Variants in ZSCAN25 observed in about 807,000 individuals in gnomAD.
ZSCAN25 encodes the protein zinc finger and SCAN domain-containing protein 25.
ZSCAN25 carries 27 observed loss-of-function variants against 38.7 expected under a neutral mutation model. The observed-to-expected ratio is 0.70, with a 90% CI of 0.51 to 0.96. ZSCAN25 has a LOEUF of 0.96. Ranked by LOEUF, ZSCAN25 falls within the 40% of genes least tolerant of loss-of-function variation. The probability of loss-of-function intolerance (pLI) is 0.00; values close to 1 mark genes in which losing one functional copy is unlikely to be tolerated. For missense variants in ZSCAN25, 637 were observed against 705.9 expected (o/e 0.90, Z 1.11); for synonymous variants, 273 against 277.7 (o/e 0.98, Z 0.17).
chr7:99,665,097 G>A, the ZSCAN25 span: 9 of 1,286,060 alleles, frequency 7.0e-6, no homozygotes, highest in African/African-American at 1.5e-5. Flanking sequence ...TGAATTATAC[G>A]ATATGTGAAT....
chr7:99,654,941 T>G, the ZSCAN25 span, among the ~76,000 whole-genome samples: 1 of 152,236 alleles, frequency 6.6e-6, no homozygotes, highest in Non-Finnish European at 1.5e-5. Flanking sequence ...TTTTTTCTTG[T>G]AAATTTGTTT....
chr7:99,727,748 A>G, the ZSCAN25 span, among the ~76,000 whole-genome samples: 1 of 152,056 alleles, frequency 6.6e-6, no homozygotes, highest in East Asian at 1.9e-4. Flanking sequence ...AGCAAGCCAA[A>G]CTCATTGCCT....
chr7:99,626,417 T>C (rs1423013294), intron 7 of ZSCAN25, among the ~76,000 whole-genome samples: 2 of 152,114 alleles, frequency 1.3e-5, no homozygotes, highest in African/African-American at 4.8e-5. Context: ...GACGGCAGGG[T>C]ACGGCCAGTC....
At chr7:99,731,288 T>C in the ZSCAN25 span, 19 of 949,490 alleles carry the variant, frequency 2.0e-5, no homozygotes, top group Non-Finnish European at 3.0e-5. Context: ...ACAGTAACTC[T>C]GACGGCAATG....
the ZSCAN25 span, among the ~76,000 whole-genome samples, chr7:99,708,406 TTCTCC>T: frequency 9.1e-4 from 138 of 152,232 alleles, no homozygotes; most frequent in Non-Finnish European, 1.5e-3. Flanking sequence ...TGCACTTTCC[TTCTCC>T]TCTCGTCTCT....
At chr7:99,662,891 A>G in the ZSCAN25 span, 2 of 1,613,622 alleles carry the variant, frequency 1.2e-6, no homozygotes, top group South Asian at 2.2e-5. The surrounding 1 kb of genome is among the most constrained non-coding windows in gnomAD (Gnocchi z 4.3). Flanking sequence ...TGCTAGAAGC[A>G]AAAGGAGAGA....
chr7:99,709,157 G>A, the ZSCAN25 span: 1 of 1,613,864 alleles, frequency 6.2e-7, no homozygotes, highest in African/African-American at 1.3e-5. Flanking sequence ...CATCTTTTTT[G>A]CAGACCCTCT....
the ZSCAN25 span, chr7:99,717,368 G>T: frequency 6.3e-7 from 1 of 1,599,872 alleles, no homozygotes; most frequent in Non-Finnish European, 8.6e-7. Context: ...ATTGTATAAT[G>T]AATTTTATGA....
chr7:99,660,142 G>A, the ZSCAN25 span: 18 of 820,150 alleles, frequency 2.2e-5, no homozygotes, highest in East Asian at 2.5e-4. Flanking sequence ...GAAATCATTC[G>A]TCTTCTGTGT....
the ZSCAN25 span, among the ~76,000 whole-genome samples, chr7:99,695,403 C>T: frequency 0.024 from 3,646 of 152,230 alleles, 169 homozygotes; most frequent in African/African-American, 0.082. Flanking sequence ...CCTTTTCCTA[C>T]TCTTAATACT....
In ZSCAN25 at chr7:99,617,000, C is replaced by T. The variant is rs943318624; in HGVS notation, c.-275C>T. On this transcript the variant is annotated 5_prime_UTR_variant, in exon 1 of 8. Transcript: ENST00000394152. The stretch of plus-strand genomic sequence containing the variant: ...TGGCGACCCTAGCGGGTGAGAGGCC[C>T]TTCAGGGCCGCGGCGGGTGAGAGCC... 2.0e-4 allele frequency: 31 copies of T among 152,248 alleles called. No individual in the cohort carries two copies. Among genetic ancestry groups the T allele is most frequent in the African/African-American group, 6.5e-4 (27 of 41,460 alleles). The allele number at this position is 152,248 out of a possible 1,614,324, so 9.4% of individuals were successfully genotyped here. A position where few individuals can be genotyped will look rare whatever the true frequency, so the allele number is the denominator to read the frequency against.
At chr7:99,681,138 GC>G in the ZSCAN25 span, among the ~76,000 whole-genome samples, 13 of 152,172 alleles carry the variant, frequency 8.5e-5, no homozygotes, top group African/African-American at 3.1e-4. Context: ...AGGATCTCAT[GC>G]TTTTTTCATG....
chr7:99,692,019 G>T, the ZSCAN25 span, among the ~76,000 whole-genome samples: 1 of 152,174 alleles, frequency 6.6e-6, no homozygotes, highest in African/African-American at 2.4e-5. Flanking sequence ...GCATGTTTTT[G>T]CAGTGTCTGG....
chr7:99,643,541 A>G, the ZSCAN25 span, among the ~76,000 whole-genome samples: 1 of 151,216 alleles, frequency 6.6e-6, no homozygotes, highest in Non-Finnish European at 1.5e-5. Flanking sequence ...TCTTCATGTC[A>G]TTTTCACAGT....
the ZSCAN25 span, among the ~76,000 whole-genome samples, chr7:99,712,535 A>G: frequency 1.3e-5 from 2 of 152,228 alleles, no homozygotes. Flanking sequence ...TGATTTCTAG[A>G]TGAAACACTA....
the ZSCAN25 span, chr7:99,664,141 A>G: frequency 4.1e-5 from 59 of 1,441,132 alleles, no homozygotes; most frequent in East Asian, 1.4e-4. Context: ...TGAAAATGCA[A>G]ACTTTACCTG....
chr7:99,735,305 C>G, the ZSCAN25 span: 1 of 597,792 alleles, frequency 1.7e-6, no homozygotes, highest in South Asian at 1.9e-5. Context: ...AGAGGCTTCT[C>G]CACCTCGGCA....
At chr7:99,715,659 T>G in the ZSCAN25 span, 13 of 1,586,512 alleles carry the variant, frequency 8.2e-6, no homozygotes, top group Non-Finnish European at 1.0e-5. Context: ...ACCATTAAAC[T>G]GTACATTTTA....
intron 7 of ZSCAN25, among the ~76,000 whole-genome samples, chr7:99,626,027 C>G (rs1247765024): frequency 6.6e-6 from 1 of 152,218 alleles, no homozygotes; most frequent in Non-Finnish European, 1.5e-5. Flanking sequence ...ATGCACAGGG[C>G]AGGGTTGAGC....
Sources: allele counts gnomAD v4.1 joint callset (sites outside exome capture counted in the v4.1 genomes callset), GRCh38; gene constraint gnomAD v4.1.1; non-coding constraint Gnocchi (gnomAD v3.1); transcripts MANE v1.5; gene names NCBI Gene and HGNC (gene_info 2026-07-23, HGNC 2026-07-21).